Variants in RPL37 observed in about 807,000 individuals in gnomAD.
The protein encoded by RPL37 is large ribosomal subunit protein eL37.
In RPL37, 1 loss-of-function variant was observed where a neutral mutation model predicts 14.8. The ratio of observed to expected loss-of-function variants is 0.07; its 90% confidence interval spans 0.02 to 0.32. The LOEUF is 0.32. Ranked by LOEUF, RPL37 falls within the 10% of genes least tolerant of loss-of-function variation. The pLI is 1.00. For missense variants in RPL37, 100 were observed against 128.3 expected (o/e 0.78, Z 1.06); for synonymous variants, 53 against 45.8 (o/e 1.16, Z -0.63).
At chr5:40,832,701 TCAGA>T (rs1347086889) in intron 3 of RPL37, 128 bp from the exon 4 acceptor site, 3 of 791,006 alleles carry the variant, frequency 3.8e-6, no homozygotes, top group Non-Finnish European at 7.0e-6. Context: ...ATTCATATGT[TCAGA>T]CATTTATTTT....
Position 40,832,257 on chromosome 5 carries a change from C to A in RPL37, c.*247G>T. ...CTGCTATATTGTCTTCCAGTGCCCT[C>A]TGCTTCAAGGACTCCTGGAATTCTG... On this transcript the variant is annotated 3_prime_UTR_variant, in exon 4 of 4. Transcript: ENST00000274242. 2.0e-6 allele frequency: 1 copy of A among 498,412 alleles called. No homozygotes were observed. The highest frequency in any genetic ancestry group is 3.7e-6 in the Non-Finnish European group (1 of 269,354). The allele number at this position is 498,412 out of a possible 1,614,324, so 30.9% of individuals were successfully genotyped here. A position where few individuals can be genotyped will look rare whatever the true frequency, so the allele number is the denominator to read the frequency against.
chr5:40,833,017 TAAG>T (rs993186282), intron 3 of RPL37, among the ~76,000 whole-genome samples: 1 of 152,154 alleles, frequency 6.6e-6, no homozygotes, highest in African/African-American at 2.4e-5. Flanking sequence ...GTATCTACTC[TAAG>T]AAGTATCTAC....
intron 1 of RPL37, 133 bp from the exon 2 acceptor site, chr5:40,834,739 A>G (rs1219861891): frequency 2.0e-6 from 2 of 1,019,114 alleles, no homozygotes; most frequent in East Asian, 2.5e-5. Flanking sequence ...GCCTCTTTCC[A>G]CGAATGCCAA....
rs1248042096 is a variant in RPL37, at chr5:40,835,148, G to C, written c.3+35C>G. On this transcript the variant is annotated intron_variant, in intron 1 of 3. Coordinates refer to ENST00000274242, the MANE Select transcript of RPL37 (RefSeq NM_000997.5). ...CAGAGAGGCACAAAGGACGAGGATGGAACGCGATTCACAAACACCACAGTC... is the reference window on the plus strand; with the variant it reads ...CAGAGAGGCACAAAGGACGAGGATGCAACGCGATTCACAAACACCACAGTC... The C allele has an allele frequency of 3.1e-6, 5 of 1,613,848 alleles. No homozygotes were observed. The Admixed American group carries it at 6.7e-5, about 22-fold the overall frequency.
intron 2 of RPL37, 56 bp from the exon 3 acceptor site, chr5:40,834,321 G>A (rs182880876): frequency 1.3e-6 from 2 of 1,574,596 alleles, no homozygotes; most frequent in Non-Finnish European, 1.7e-6. Flanking sequence ...CACCTTGTAG[G>A]TGTTGTTAAC....
chr5:40,830,483 G>T lies in RPL37; in HGVS notation c.*2021C>A, dbSNP rs1043694683. 3 of 149,488 alleles carry T rather than the reference G, an allele frequency of 2.0e-5. No homozygotes were observed. The highest frequency in any genetic ancestry group is 4.4e-5 in the Non-Finnish European group (3 of 67,778). 9.3% of individuals were successfully genotyped at this position (149,488 alleles called of 1,614,324 possible). On this transcript the variant is annotated 3_prime_UTR_variant, in exon 4 of 4. Coordinates refer to ENST00000274242, the MANE Select transcript of RPL37 (RefSeq NM_000997.5). ...CTTATTTTGTTTCATTTGAAAATTT[G>T]AGTCATTAGTTCAAGGATTTTTTTT...
chr5:40,825,974 T>C lies in RPL37; in HGVS notation c.*6530A>G, dbSNP rs1561204927. The C allele has an allele frequency of 6.6e-6, 1 of 152,220 alleles. No homozygotes were observed. The highest frequency in any genetic ancestry group is 1.5e-5 in the Non-Finnish European group (1 of 68,072). The allele number at this position is 152,220 out of a possible 1,614,324, so 9.4% of individuals were successfully genotyped here. A position where few individuals can be genotyped will look rare whatever the true frequency, so the allele number is the denominator to read the frequency against. On this transcript the variant is annotated 3_prime_UTR_variant, in exon 4 of 4. Transcript: ENST00000274242. ...ACCCGCCTCAGAGCCTCCCAAGGCG[T>C]GTGGGATTACAGATGTGAGCCTCCG...
At position 40,832,067 on chromosome 5, in the gene RPL37, T is replaced by TTC. The variant is rs1213651065; in HGVS notation, c.*435_*436dup. ...GCCACCTAAACTCCTACCCATACGTTTCCAGTGGTACTCCCAAGCTCTATG... is the reference window on the plus strand; with the variant it reads ...GCCACCTAAACTCCTACCCATACGTTTCTCCAGTGGTACTCCCAAGCTCTATG... On this transcript the variant is annotated 3_prime_UTR_variant, in exon 4 of 4. Transcript: ENST00000274242. 8 of 177,452 alleles carry TTC rather than the reference T, an allele frequency of 4.5e-5. No individual in the cohort carries two copies. Among genetic ancestry groups the TTC allele is most frequent in the Non-Finnish European group, 9.9e-5 (8 of 80,750 alleles). The allele number at this position is 177,452 out of a possible 1,614,324, so 11.0% of individuals were successfully genotyped here.
rs1052437619 is a variant in RPL37 at position 40,828,391 on chromosome 5, A to G, written c.*4113T>C. ...GGGTCTTTGTTTTGTTTTCCACTTA[A>G]AAGTTTCTGGGCCTAGATAGCTTTT... On this transcript the variant is annotated 3_prime_UTR_variant, in exon 4 of 4. Coordinates refer to ENST00000274242, the MANE Select transcript of RPL37 (RefSeq NM_000997.5). 1 of 152,020 alleles carries G rather than the reference A, an allele frequency of 6.6e-6. No homozygotes were observed. Among genetic ancestry groups the G allele is most frequent in the South Asian group, 2.1e-4 (1 of 4,828 alleles). The allele number at this position is 152,020 out of a possible 1,614,324, so 9.4% of individuals were successfully genotyped here.
At position 40,827,116 on chromosome 5, in the gene RPL37, G is replaced by A. The variant is rs1282066714; in HGVS notation, c.*5388C>T. The A allele has an allele frequency of 6.6e-6, 1 of 152,154 alleles. No individual in the cohort carries two copies. The highest frequency in any genetic ancestry group is 1.9e-4 in the East Asian group (1 of 5,190). The allele number at this position is 152,154 out of a possible 1,614,324, so 9.4% of individuals were successfully genotyped here. A position where few individuals can be genotyped will look rare whatever the true frequency, so the allele number is the denominator to read the frequency against. On this transcript the variant is annotated 3_prime_UTR_variant, in exon 4 of 4. Coordinates refer to ENST00000274242, the MANE Select transcript of RPL37 (RefSeq NM_000997.5). ...TTGAGATGGGTCCATCAGATACAAG[G>A]ATAACTACCCAGCAGGGAACCTCCA...
rs1170032400 is a variant in RPL37 at position 40,832,144 on chromosome 5, CTAAAGG to C, written c.*354_*359del. ...GACAGCATAGCAGATGAACATGTTG[CTAAAGG>C]TAATTTAAACATCATACTCTTTCAA... On this transcript the variant is annotated 3_prime_UTR_variant, in exon 4 of 4. Transcript: ENST00000274242. 8.0e-6 allele frequency: 2 copies of C among 248,878 alleles called. No individual in the cohort carries two copies. Among genetic ancestry groups the C allele is most frequent in the East Asian group, 8.2e-5 (1 of 12,194 alleles). The allele number at this position is 248,878 out of a possible 1,614,324, so 15.4% of individuals were successfully genotyped here.
In RPL37 at chr5:40,829,283, C is replaced by A. The variant is rs1745586053; in HGVS notation, c.*3221G>T. 6.6e-6 allele frequency: 1 copy of A among 152,234 alleles called. No individual in the cohort carries two copies. Among genetic ancestry groups the A allele is most frequent in the South Asian group, 2.1e-4 (1 of 4,830 alleles). The allele number at this position is 152,234 out of a possible 1,614,324, so 9.4% of individuals were successfully genotyped here. A position where few individuals can be genotyped will look rare whatever the true frequency, so the allele number is the denominator to read the frequency against. On this transcript the variant is annotated 3_prime_UTR_variant, in exon 4 of 4. Coordinates refer to ENST00000274242, the MANE Select transcript of RPL37 (RefSeq NM_000997.5). ...CCTAGTTTCCAGCTTCAAGACTCATCACATGCACACTAACACTTTCCACAT... is the reference window on the plus strand; with the variant it reads ...CCTAGTTTCCAGCTTCAAGACTCATAACATGCACACTAACACTTTCCACAT...
intron 3 of RPL37, 161 bp from the exon 4 acceptor site, chr5:40,832,734 C>G (rs1561208382): frequency 1.3e-6 from 1 of 755,566 alleles, no homozygotes; most frequent in Admixed American, 1.7e-5. Context: ...CACTGATAAG[C>G]TGAAATTCTT....
rs1402342712 is a variant in RPL37, at chr5:40,825,585, CAT to C, written c.*6917_*6918del. 2 of 152,268 alleles carry C rather than the reference CAT, an allele frequency of 1.3e-5. No homozygotes were observed. The highest frequency in any genetic ancestry group is 4.8e-5 in the African/African-American group (2 of 41,444). 9.4% of individuals were successfully genotyped at this position (152,268 alleles called of 1,614,324 possible). A position where few individuals can be genotyped will look rare whatever the true frequency, so the allele number is the denominator to read the frequency against. ...GGTTGCTTCCCTGTGACGCAGGGAC[CAT>C]AGTTTCTGCTCTAATAACACCTTTT... On this transcript the variant is annotated 3_prime_UTR_variant, in exon 4 of 4. Transcript: ENST00000274242.
intron 3 of RPL37, among the ~76,000 whole-genome samples, chr5:40,833,662 C>T (rs1280361603): frequency 6.6e-6 from 1 of 152,198 alleles, no homozygotes; most frequent in Admixed American, 6.5e-5. Flanking sequence ...CAAATTTTGA[C>T]ACCAATTAAA....
In RPL37 at chr5:40,831,355, A is replaced by G. The variant is rs1745636622; in HGVS notation, c.*1149T>C. ...GAGGAAGCCCAAGAGAGATTTAATC[A>G]GCAGGGTTTCTTTATAAGTGAATGT... is the stretch of plus-strand genomic sequence containing the variant. On this transcript the variant is annotated 3_prime_UTR_variant, in exon 4 of 4. Transcript: ENST00000274242. The G allele has an allele frequency of 3.3e-5, 5 of 152,368 alleles. No individual in the cohort carries two copies. The South Asian group carries it at 1.0e-3, about 32-fold the overall frequency. The allele number at this position is 152,368 out of a possible 1,614,324, so 9.4% of individuals were successfully genotyped here.
At position 40,830,951 on chromosome 5, in the gene RPL37, A is replaced by T. The variant is rs1195255178; in HGVS notation, c.*1553T>A. ...CTTCAACAGACTATCTTCACTTGAA[A>T]ATTTGATGATGACAGCCGGGAGTGG... On this transcript the variant is annotated 3_prime_UTR_variant, in exon 4 of 4. Transcript: ENST00000274242. 2 of 151,290 alleles carry T rather than the reference A, an allele frequency of 1.3e-5. No homozygotes were observed. The highest frequency in any genetic ancestry group is 4.9e-5 in the African/African-American group (2 of 41,230). 9.4% of individuals were successfully genotyped at this position (151,290 alleles called of 1,614,324 possible). A position where few individuals can be genotyped will look rare whatever the true frequency, so the allele number is the denominator to read the frequency against.
chr5:40,833,279 C>T (rs1318979476), intron 3 of RPL37, among the ~76,000 whole-genome samples: 1 of 152,178 alleles, frequency 6.6e-6, no homozygotes, highest in Non-Finnish European at 1.5e-5. Context: ...GCAAAATATT[C>T]AATTTTGCAC....
intron 2 of RPL37, 79 bp from the exon 3 acceptor site, chr5:40,834,344 T>G: frequency 6.4e-7 from 1 of 1,566,622 alleles, no homozygotes; most frequent in Non-Finnish European, 8.8e-7. Flanking sequence ...ACGAGTTTTA[T>G]GCCACCTCAT....
Sources: gnomAD v4.1 joint callset for allele counts (sites outside exome capture counted in the v4.1 genomes callset) on GRCh38, gnomAD v4.1.1 for gene constraint, MANE v1.5 for transcripts, NCBI Gene and HGNC (gene_info 2026-07-23, HGNC 2026-07-21) for gene names.